The following ATP8A2 variants were observed in gnomAD, a reference collection of about 807,000 sequenced individuals.
ATP8A2 encodes ATPase phospholipid transporting 8A2, also known as phospholipid-transporting ATPase IB.
Under a neutral mutation model 165.6 loss-of-function variants are expected in ATP8A2, and 100 were observed. The ratio of observed to expected loss-of-function variants is 0.60; its 90% CI spans 0.51 to 0.71. The LOEUF is 0.71. Among genes scored for constraint, ATP8A2 ranks in the 30% least tolerant of loss-of-function variants. The pLI, the probability that ATP8A2 is intolerant of heterozygous loss-of-function variation, is 0.00. For synonymous variants in ATP8A2, 543 were observed against 548.8 expected (o/e 0.99, Z 0.15); for missense variants, 1,227 against 1,479.5 (o/e 0.83, Z 2.80).
chr13:25,772,775 C>A (rs565910192), intron 26 of ATP8A2, among the ~76,000 whole-genome samples: 5 of 150,168 alleles, frequency 3.3e-5, no homozygotes, highest in Admixed American at 2.7e-4. Flanking sequence ...TTTTTTTATT[C>A]AGAGTTTCAC....
chr13:25,831,219 T>TA (rs962683163), intron 28 of ATP8A2, among the ~76,000 whole-genome samples: 2 of 149,500 alleles, frequency 1.3e-5, no homozygotes, highest in African/African-American at 2.5e-5. Flanking sequence ...TAATTTTCTT[T>TA]TTTTTTTTTT....
At chr13:25,460,314 C>A (rs61947623) in intron 1 of ATP8A2, among the ~76,000 whole-genome samples, 4,862 of 152,302 alleles carry the variant, frequency 0.032, 93 homozygotes, top group Non-Finnish European at 0.041. Flanking sequence ...GGTGTTCATG[C>A]ATATCGAATC....
intron 1 of ATP8A2, among the ~76,000 whole-genome samples, chr13:25,417,595 A>G (rs563380301): frequency 5.9e-5 from 9 of 152,368 alleles, no homozygotes; most frequent in African/African-American, 1.9e-4. Context: ...TAGACTTGTT[A>G]GGATAATTAT....
At chr13:25,961,786 C>T (rs1955665869) in intron 34 of ATP8A2, 123 bp downstream of exon 34, 1 of 751,254 alleles carries the variant, frequency 1.3e-6, no homozygotes, top group African/African-American at 1.8e-5. Flanking sequence ...GGTCTCCTGC[C>T]ACCTGCCAGA....
Position 25,750,809 on chromosome 13 carries a change from A to G in ATP8A2, c.2385-18237A>G, listed in dbSNP as rs560271981. ...TGAAAGAGTTGCTTGGGGAAAAAAA[A>G]AAGGAATCTTTTTGGAATTACACGT... is the stretch of plus-strand genomic sequence containing the variant. On this transcript the variant is annotated intron_variant, in intron 25 of 36. Transcript: ENST00000381655. This position sits in a 1 kb window ranked among gnomAD's most constrained non-coding sequence, Gnocchi z 4.3. Among the ~76,000 whole-genome samples the G allele has an allele frequency of 3.3e-4, 50 of 151,952 alleles. No homozygotes were observed. Among genetic ancestry groups the G allele is most frequent in the African/African-American group, 1.1e-3 (47 of 41,558 alleles).
intron 27 of ATP8A2, among the ~76,000 whole-genome samples, chr13:25,801,003 G>A (rs187722149): frequency 6.6e-6 from 1 of 152,288 alleles, no homozygotes; most frequent in African/African-American, 2.4e-5. Context: ...GGCAGCCGTG[G>A]AAACTGAAAT....
chr13:25,801,220 C>G lies in ATP8A2; in HGVS notation c.2679+26261C>G, dbSNP rs569113195. 1.6e-4 allele frequency among the ~76,000 whole-genome samples: 24 copies of G among 152,284 alleles called. No homozygotes were observed. The South Asian group carries it at 5.0e-3, about 32-fold the overall frequency. ...TCTACTTCGGAGTGCAGTCTGCGCT[C>G]CCTCTTCTGGGATGGCTGCGGAGCC... On this transcript the variant is annotated intron_variant, in intron 27 of 36. Transcript: ENST00000381655.
chr13:25,799,378 T>A (rs1390871562), intron 27 of ATP8A2, among the ~76,000 whole-genome samples: 2 of 152,222 alleles, frequency 1.3e-5, no homozygotes, highest in Non-Finnish European at 2.9e-5. Context: ...ACAGTGATCT[T>A]CTTGTGCCTG....
chr13:25,795,890 C>T (rs1456176524), intron 27 of ATP8A2, among the ~76,000 whole-genome samples: 3 of 151,430 alleles, frequency 2.0e-5, no homozygotes, highest in South Asian at 2.1e-4. Flanking sequence ...CATTTTTTTA[C>T]ATTTATCTGT....
intron 20 of ATP8A2, among the ~76,000 whole-genome samples, 187 bp from the exon 21 acceptor site, chr13:25,578,628 T>C (rs61948642): frequency 0.038 from 5,809 of 152,306 alleles, 138 homozygotes; most frequent in Non-Finnish European, 0.051. Flanking sequence ...TTTGGTTTTG[T>C]TGGACACATT....
At chr13:25,642,050 G>A (rs1167926679) in intron 24 of ATP8A2, among the ~76,000 whole-genome samples, 1 of 152,176 alleles carries the variant, frequency 6.6e-6, no homozygotes, top group Non-Finnish European at 1.5e-5. Flanking sequence ...GTAGCCATAT[G>A]TAGAAAGCTG....
Position 25,571,199 on chromosome 13 carries a change from G to A in ATP8A2, c.1579+327G>A, listed in dbSNP as rs118104833. On this transcript the variant is annotated intron_variant, in intron 17 of 36. Transcript: ENST00000381655. The stretch of plus-strand genomic sequence containing the variant: ...ATCCTCCCCACCTCATAGATTTTCC[G>A]CCTGCTGGGGAAGCTGTGCATGGGG... Among the ~76,000 whole-genome samples, 416 of 152,296 alleles carry A rather than the reference G, an allele frequency of 2.7e-3. 2 individuals are homozygous for A. Among genetic ancestry groups the A allele is most frequent in the South Asian group, 0.013 (61 of 4,830 alleles).
intron 12 of ATP8A2, among the ~76,000 whole-genome samples, chr13:25,554,540 T>A (rs1243366625): frequency 6.6e-6 from 1 of 151,430 alleles, no homozygotes; most frequent in Admixed American, 6.6e-5. Context: ...TGTGTGTGTG[T>A]GTGTGTGTGT....
intron 33 of ATP8A2, among the ~76,000 whole-genome samples, chr13:25,910,361 C>T (rs1241919973): frequency 2.0e-5 from 3 of 152,118 alleles, no homozygotes; most frequent in Admixed American, 2.0e-4. Flanking sequence ...CACGCAGTAG[C>T]GAGCCCTTTC....
intron 1 of ATP8A2, among the ~76,000 whole-genome samples, chr13:25,381,107 T>C (rs577907478): frequency 6.6e-6 from 1 of 152,302 alleles, no homozygotes; most frequent in Admixed American, 6.5e-5. Flanking sequence ...TTTAGTATGG[T>C]CTGATATTAT....
chr13:25,790,345 A>G (rs1188034259), intron 27 of ATP8A2, among the ~76,000 whole-genome samples: 2 of 152,156 alleles, frequency 1.3e-5, no homozygotes, highest in Non-Finnish European at 2.9e-5. Context: ...TCTAATATCT[A>G]GCATCTATAA....
At position 25,558,899 on chromosome 13, in the gene ATP8A2, AAGG is replaced by A. The variant is rs2138101698; in HGVS notation, c.1264-72_1264-70del. On this transcript the variant is annotated intron_variant, in intron 13 of 36. Coordinates refer to ENST00000381655, the MANE Select transcript of ATP8A2 (RefSeq NM_016529.6). ...TTCATACAGGTTTTGAAAAATATAG[AAGG>A]AAAGACTTCATTTGTTGATCTTTGC... 3.8e-6 allele frequency: 4 copies of A among 1,058,778 alleles called. 1 individual carries two copies. In the South Asian group the frequency reaches 6.2e-5, roughly 16 times the overall value. 65.6% of individuals were successfully genotyped at this position (1,058,778 alleles called of 1,614,324 possible). A position where few individuals can be genotyped will look rare whatever the true frequency, so the allele number is the denominator to read the frequency against.
At chr13:25,497,610 C>T (rs1435064096) in intron 2 of ATP8A2, among the ~76,000 whole-genome samples, 1 of 152,018 alleles carries the variant, frequency 6.6e-6, no homozygotes, top group Non-Finnish European at 1.5e-5. Context: ...ATCATTTAGA[C>T]CACTGCTTTT....
intron 33 of ATP8A2, among the ~76,000 whole-genome samples, chr13:25,889,693 A>G (rs1376278378): frequency 6.6e-6 from 1 of 151,662 alleles, no homozygotes; most frequent in Non-Finnish European, 1.5e-5. Flanking sequence ...TTCCTTCTAG[A>G]AATTCTTGCT....
Sources: allele counts gnomAD v4.1 joint callset (sites outside exome capture counted in the v4.1 genomes callset), GRCh38; gene constraint gnomAD v4.1.1; non-coding constraint Gnocchi (gnomAD v3.1); transcripts MANE v1.5; gene names NCBI Gene and HGNC (gene_info 2026-07-23, HGNC 2026-07-21).